SYT16: variants seen among roughly 807,000 people sequenced by gnomAD.
The protein encoded by SYT16 is synaptotagmin-16.
SYT16 carries 42 observed loss-of-function variants against 61.4 expected under a neutral mutation model. That is an observed-to-expected ratio of 0.68 (90% CI 0.53 to 0.89). SYT16 has a LOEUF of 0.89. Among genes scored for constraint, SYT16 ranks in the 40% least tolerant of loss-of-function variants. SYT16 has a pLI of 0.00. For missense variants in SYT16, 804 were observed against 807.3 expected (o/e 1.00, Z 0.05); for synonymous variants, 314 against 302.3 (o/e 1.04, Z -0.40).
intron 1 of SYT16, among the ~76,000 whole-genome samples, chr14:61,832,989 C>T (rs1285967028): frequency 6.6e-6 from 1 of 152,170 alleles, no homozygotes; most frequent in African/African-American, 2.4e-5. Flanking sequence ...TCTGCTGATT[C>T]ACCCTCATGG....
intron 7 of SYT16, among the ~76,000 whole-genome samples, chr14:62,098,610 A>G (rs527748512): frequency 6.6e-6 from 1 of 152,344 alleles, no homozygotes; most frequent in South Asian, 2.1e-4. Flanking sequence ...ACTGAAAGAA[A>G]AAGTTGAGCT....
chr14:62,020,949 G>C (rs964758054), intron 3 of SYT16, among the ~76,000 whole-genome samples: 3 of 152,176 alleles, frequency 2.0e-5, no homozygotes, highest in African/African-American at 4.8e-5. Context: ...CTTTCTTGGA[G>C]TGTGAGCTGT....
At chr14:62,019,969 G>A (rs1022848649) in intron 3 of SYT16, among the ~76,000 whole-genome samples, 5 of 152,164 alleles carry the variant, frequency 3.3e-5, no homozygotes, top group African/African-American at 7.2e-5. Context: ...TTAGTCAAGG[G>A]AATTGTTCTT....
chr14:62,028,980 A>G (rs537931394), intron 3 of SYT16, among the ~76,000 whole-genome samples: 13 of 152,334 alleles, frequency 8.5e-5, no homozygotes, highest in African/African-American at 3.1e-4. Context: ...AGTTCTGGGA[A>G]CTATTTCTTA....
chr14:62,009,777 A>G (rs2053371525), intron 3 of SYT16, among the ~76,000 whole-genome samples: 2 of 152,152 alleles, frequency 1.3e-5, no homozygotes, highest in South Asian at 4.1e-4. Flanking sequence ...AACTTCTTTC[A>G]GTGTTCCAGA....
At chr14:61,825,693 A>G (rs970459641) in intron 1 of SYT16, among the ~76,000 whole-genome samples, 4 of 152,202 alleles carry the variant, frequency 2.6e-5, no homozygotes, top group Non-Finnish European at 4.4e-5. Flanking sequence ...AACAGCAACA[A>G]AGACAACAAC....
chr14:61,818,450 C>T (rs567584719), intron 1 of SYT16, among the ~76,000 whole-genome samples: 7 of 152,118 alleles, frequency 4.6e-5, no homozygotes, highest in African/African-American at 1.2e-4. Flanking sequence ...GAGGCCGAGG[C>T]GGGTGGATCA....
intron 1 of SYT16, among the ~76,000 whole-genome samples, chr14:61,959,534 A>G (rs2051029935): frequency 6.7e-6 from 1 of 149,828 alleles, no homozygotes; most frequent in African/African-American, 2.5e-5. Context: ...TCTTCCCCCA[A>G]CGCTTTGTGC....
rs1020276097 is a variant in SYT16 at position 61,987,597 on chromosome 14, C to A, written c.-144-8279C>A. On this transcript the variant is annotated intron_variant, in intron 2 of 7. Coordinates refer to ENST00000683842, the MANE Select transcript of SYT16 (RefSeq NM_001367656.1). ...AATGGGTAGGCCTTGGTAAGCAATT[C>A]TAAAGGAGAAAGAGTTGTCAAAGGT... 2.6e-5 allele frequency among the ~76,000 whole-genome samples: 4 copies of A among 152,070 alleles called. No individual in the cohort carries two copies. In the East Asian group the frequency reaches 7.7e-4, roughly 29 times the overall value.
chr14:61,835,300 C>T (rs543777008), intron 1 of SYT16, among the ~76,000 whole-genome samples: 10 of 147,566 alleles, frequency 6.8e-5, no homozygotes, highest in East Asian at 3.9e-4. Context: ...CATTGTCGCC[C>T]GGGGAAAGAG....
At position 61,843,327 on chromosome 14, in the gene SYT16, A is replaced by G. The variant is rs142610026; in HGVS notation, c.-325+30517A>G. Among the ~76,000 whole-genome samples, 323 of 152,260 alleles carry G rather than the reference A, an allele frequency of 2.1e-3. 1 individual carries two copies. The highest frequency in any genetic ancestry group is 7.5e-3 in the African/African-American group (312 of 41,558). On this transcript the variant is annotated intron_variant, in intron 1 of 7. Transcript: ENST00000683842. ...TTGATTTGCATTTCTCTGATGATCA[A>G]TGATGTTGAACACCTTTCCATAGAG...
intron 1 of SYT16, among the ~76,000 whole-genome samples, chr14:61,846,951 C>T (rs2046462411): frequency 1.3e-5 from 2 of 152,088 alleles, no homozygotes; most frequent in Admixed American, 1.3e-4. Context: ...AGATTCTATG[C>T]CTTTACTCTG....
At chr14:61,843,854 C>T (rs1304823928) in intron 1 of SYT16, among the ~76,000 whole-genome samples, 2 of 152,024 alleles carry the variant, frequency 1.3e-5, no homozygotes, top group Non-Finnish European at 2.9e-5. Flanking sequence ...TCCAGTTTTG[C>T]TCTTTTTGCT....
At chr14:62,066,985 G>A (rs911187196) in intron 3 of SYT16, among the ~76,000 whole-genome samples, 5 of 152,166 alleles carry the variant, frequency 3.3e-5, no homozygotes, top group African/African-American at 1.2e-4. Flanking sequence ...AGAGGTCAGG[G>A]AAGGACTTTC....
At chr14:61,982,298 A>G (rs1382557286) in intron 2 of SYT16, among the ~76,000 whole-genome samples, 1 of 152,154 alleles carries the variant, frequency 6.6e-6, no homozygotes, top group Admixed American at 6.6e-5. Flanking sequence ...CACTGTTGAT[A>G]AAGATATACC....
chr14:62,000,162 G>C (rs1019309226), intron 3 of SYT16, among the ~76,000 whole-genome samples: 1 of 119,400 alleles, frequency 8.4e-6, no homozygotes, highest in Admixed American at 9.9e-5. Flanking sequence ...ATCACTAAGG[G>C]AGGAGCATTG....
chr14:62,099,829 G>T (rs1387710784), intron 7 of SYT16, among the ~76,000 whole-genome samples: 1 of 152,142 alleles, frequency 6.6e-6, no homozygotes, highest in Non-Finnish European at 1.5e-5. Context: ...AGTGAGCTGT[G>T]ATCATGCCAC....
chr14:61,888,746 G>C (rs1017316139), intron 1 of SYT16, among the ~76,000 whole-genome samples: 2 of 150,006 alleles, frequency 1.3e-5, no homozygotes, highest in African/African-American at 4.9e-5. Flanking sequence ...CGCAATGCAG[G>C]GTTGCCAACA....
At chr14:61,884,750 T>C (rs954243715) in intron 1 of SYT16, among the ~76,000 whole-genome samples, 2 of 152,188 alleles carry the variant, frequency 1.3e-5, no homozygotes, top group African/African-American at 4.8e-5. Flanking sequence ...AAATAATTGC[T>C]TTTTTGGAGT....
Sources: allele counts gnomAD v4.1 joint callset (sites outside exome capture counted in the v4.1 genomes callset), GRCh38; gene constraint gnomAD v4.1.1; transcripts MANE v1.5; gene names NCBI Gene and HGNC (gene_info 2026-07-23, HGNC 2026-07-21).